The following ADAM9 variants were observed in gnomAD, a reference collection of about 807,000 sequenced individuals.
The protein encoded by ADAM9 is ADAM metallopeptidase domain 9, also known as disintegrin and metalloproteinase domain-containing protein 9.
A neutral mutation model predicts 108.1 loss-of-function variants in ADAM9; 54 were observed. That is an observed-to-expected ratio of 0.50 (90% CI 0.40 to 0.63). The LOEUF (loss-of-function observed/expected upper bound fraction) is 0.63, where lower values mean the gene tolerates loss of function less well. ADAM9 is among the 20% of genes least tolerant of loss of function. ADAM9 has a pLI of 0.00. For synonymous variants in ADAM9, 316 were observed against 336.0 expected, an observed-to-expected ratio of 0.94 and a Z score of 0.65; for missense variants, 830 against 997.7, an observed-to-expected ratio of 0.83 and a Z score of 2.26.
intron 7 of ADAM9, among the ~76,000 whole-genome samples, chr8:39,019,984 A>G (rs980335483): frequency 6.6e-6 from 1 of 152,252 alleles, no homozygotes; most frequent in African/African-American, 2.4e-5. Context: ...ACAAAAGTCA[A>G]GATTCAAAAT....
intron 14 of ADAM9, among the ~76,000 whole-genome samples, chr8:39,058,975 G>A (rs1344328189): frequency 6.6e-6 from 1 of 152,164 alleles, no homozygotes; most frequent in East Asian, 1.9e-4. Flanking sequence ...GTAAGGTATT[G>A]CTACCTAGTG....
rs948363326 is a variant in ADAM9 at position 39,055,572 on chromosome 8, A to T, written c.1396-5A>T. The T allele has an allele frequency of 5.0e-6, 8 of 1,613,198 alleles. No homozygotes were observed. The highest frequency in any genetic ancestry group is 6.8e-6 in the Non-Finnish European group (8 of 1,179,406). On this transcript the variant is annotated splice_polypyrimidine_tract_variant and splice_region_variant and intron_variant, in intron 13 of 21. Coordinates refer to ENST00000487273, the MANE Select transcript of ADAM9 (RefSeq NM_003816.3). ...TTCTGTTTAATTTGAATTCTATTTC[A>T]CTAGTTCCTTCCAGGAGGTACTTTA...
intron 15 of ADAM9, among the ~76,000 whole-genome samples, chr8:39,073,384 A>T (rs987447213): frequency 5.9e-5 from 9 of 152,116 alleles, no homozygotes; most frequent in African/African-American, 2.2e-4. Flanking sequence ...TGCCCTCCTG[A>T]TGACTTGGAG....
chr8:39,053,846 C>G (rs1838030949), intron 12 of ADAM9, among the ~76,000 whole-genome samples: 1 of 152,150 alleles, frequency 6.6e-6, no homozygotes, highest in Non-Finnish European at 1.5e-5. Context: ...ACACTGACCT[C>G]TCTGTGATCA....
intron 11 of ADAM9, 143 bp from the exon 12 acceptor site, chr8:39,041,803 A>T: frequency 1.4e-6 from 1 of 703,666 alleles, no homozygotes; most frequent in Non-Finnish European, 2.4e-6. Flanking sequence ...ACAAGTAGAT[A>T]TGAATTCTCA....
At chr8:39,095,005 A>T (rs1203861339) in intron 20 of ADAM9, among the ~76,000 whole-genome samples, 1 of 151,932 alleles carries the variant, frequency 6.6e-6, no homozygotes, top group Non-Finnish European at 1.5e-5. Context: ...AGGTTATTTG[A>T]GATTTTTTAA....
rs541566024 is a variant in ADAM9 at position 39,088,234 on chromosome 8, G to T, written c.2069-1813G>T. ...AGGGCCAACTGTATTTTGATTTTCA[G>T]TTGGGATAAATATTGTTTCATATAG... On this transcript the variant is annotated intron_variant, in intron 18 of 21. Transcript: ENST00000487273. Among the ~76,000 whole-genome samples the T allele has an allele frequency of 2.2e-5, 3 of 136,218 alleles. No individual in the cohort carries two copies. The East Asian group carries it at 6.4e-4, about 29-fold the overall frequency. The allele number at this position is 136,218 out of a possible 152,430, so 89.4% of individuals were successfully genotyped here. A position where few individuals can be genotyped will look rare whatever the true frequency, so the allele number is the denominator to read the frequency against.
At chr8:39,096,047 T>C (rs1282097489) in intron 20 of ADAM9, among the ~76,000 whole-genome samples, 1 of 150,650 alleles carries the variant, frequency 6.6e-6, no homozygotes, top group Non-Finnish European at 1.5e-5. Context: ...CCTTCTTCCC[T>C]TGCTGCATTC....
chr8:39,057,233 C>T, intron 14 of ADAM9, among the ~76,000 whole-genome samples: 1 of 151,778 alleles, frequency 6.6e-6, no homozygotes, highest in Non-Finnish European at 1.5e-5. Flanking sequence ...GACAAAATCA[C>T]CTAACAACTC....
chr8:39,063,861 A>G (rs937367680), intron 14 of ADAM9, among the ~76,000 whole-genome samples: 1 of 152,164 alleles, frequency 6.6e-6, no homozygotes, highest in African/African-American at 2.4e-5. Flanking sequence ...TAGATACCCT[A>G]CAAGGCTAGG....
intron 18 of ADAM9, among the ~76,000 whole-genome samples, chr8:39,086,336 A>G (rs987079576): frequency 1.2e-4 from 19 of 152,214 alleles, no homozygotes; most frequent in Middle Eastern, 3.4e-3. Context: ...TTTAAAAATT[A>G]TTCCTTATTC....
intron 20 of ADAM9, 76 bp downstream of exon 20, chr8:39,091,422 T>C: frequency 4.9e-6 from 6 of 1,220,352 alleles, no homozygotes; most frequent in Non-Finnish European, 4.8e-6. Context: ...AACACAGTTA[T>C]ATAGCTATAG....
At chr8:39,040,618 T>G (rs555508542) in intron 11 of ADAM9, among the ~76,000 whole-genome samples, 3 of 152,354 alleles carry the variant, frequency 2.0e-5, no homozygotes, top group African/African-American at 7.2e-5. Flanking sequence ...CCTTATAAGA[T>G]ATGTGGTTTG....
chr8:39,055,913 G>T (rs1476539377), intron 14 of ADAM9, 141 bp downstream of exon 14: 7 of 852,674 alleles, frequency 8.2e-6, no homozygotes, highest in African/African-American at 1.7e-5. Flanking sequence ...TTTGGAGGCA[G>T]TCATGATCAT....
intron 1 of ADAM9, among the ~76,000 whole-genome samples, chr8:39,002,833 T>C: frequency 6.6e-6 from 1 of 152,110 alleles, no homozygotes; most frequent in Non-Finnish European, 1.5e-5. Context: ...TTCAGGCCGT[T>C]TTCTCTTTTT....
At chr8:39,097,613 AGT>A (rs2129443514) in intron 20 of ADAM9, among the ~76,000 whole-genome samples, 1 of 152,194 alleles carries the variant, frequency 6.6e-6, no homozygotes, top group East Asian at 1.9e-4. Flanking sequence ...CCTGTTGTCT[AGT>A]ATTTTAAGTC....
intron 1 of ADAM9, among the ~76,000 whole-genome samples, chr8:38,997,742 T>C (rs1320048465): frequency 6.6e-6 from 1 of 152,260 alleles, no homozygotes; most frequent in Non-Finnish European, 1.5e-5. Flanking sequence ...TGGGTCATTT[T>C]TGTAGTAAGA....
At chr8:39,031,909 C>T (rs1837105525) in intron 11 of ADAM9, among the ~76,000 whole-genome samples, 1 of 152,232 alleles carries the variant, frequency 6.6e-6, no homozygotes, top group Non-Finnish European at 1.5e-5. Flanking sequence ...AGTCAGGTCC[C>T]TCAGCTGCAG....
At chr8:39,075,162 C>T (rs996763543) in intron 15 of ADAM9, among the ~76,000 whole-genome samples, 1 of 152,128 alleles carries the variant, frequency 6.6e-6, no homozygotes, top group South Asian at 2.1e-4. Context: ...TTACCTTAGC[C>T]TCCCAAAGTG....
Sources: gnomAD v4.1 joint callset for allele counts (sites outside exome capture counted in the v4.1 genomes callset) on GRCh38, gnomAD v4.1.1 for gene constraint, MANE v1.5 for transcripts, NCBI Gene and HGNC (gene_info 2026-07-23, HGNC 2026-07-21) for gene names.